The following ADGRL2 variants were observed in gnomAD, a reference collection of about 807,000 sequenced individuals.
ADGRL2 encodes the protein adhesion G protein-coupled receptor L2.
ADGRL2 carries 44 observed loss-of-function variants against 157.4 expected under a neutral mutation model. The observed-to-expected ratio is 0.28, with a 90% CI of 0.22 to 0.36. ADGRL2 has a LOEUF of 0.36. ADGRL2 is among the 10% of genes least tolerant of loss of function. The pLI is 1.00. For missense variants in ADGRL2, 1,510 were observed against 1,768.9 expected, an observed-to-expected ratio of 0.85 and a Z score of 2.63; for synonymous variants, 585 against 624.7, an observed-to-expected ratio of 0.94 and a Z score of 0.95.
intron 4 of ADGRL2, among the ~76,000 whole-genome samples, chr1:81,939,537 A>G (rs1245268481): frequency 6.6e-6 from 1 of 151,586 alleles, no homozygotes; most frequent in Non-Finnish European, 1.5e-5. Flanking sequence ...AAACATGTTT[A>G]TTCAATGAAA....
At chr1:81,702,835 A>C (rs1000022461) in intron 1 of ADGRL2, among the ~76,000 whole-genome samples, 3 of 152,234 alleles carry the variant, frequency 2.0e-5, no homozygotes, top group Non-Finnish European at 4.4e-5. Context: ...ATATGAAAGG[A>C]ACCATATTCA....
intron 2 of ADGRL2, among the ~76,000 whole-genome samples, chr1:81,878,291 T>C (rs905534332): frequency 6.6e-6 from 1 of 152,164 alleles, no homozygotes; most frequent in African/African-American, 2.4e-5. Context: ...TTTGAATAGA[T>C]GTTGAAGAAA....
chr1:81,760,886 A>G, intron 1 of ADGRL2, among the ~76,000 whole-genome samples: 1 of 151,906 alleles, frequency 6.6e-6, no homozygotes, highest in East Asian at 1.9e-4. Flanking sequence ...AGGAATTATT[A>G]TTATTTACAA....
intron 10 of ADGRL2, among the ~76,000 whole-genome samples, chr1:81,953,642 G>C (rs533821293): frequency 6.6e-6 from 1 of 152,048 alleles, no homozygotes; most frequent in Non-Finnish European, 1.5e-5. Context: ...CACTCCAGCC[G>C]GGTTTTCTCC....
At chr1:81,908,861 A>G (rs1404788391) in intron 3 of ADGRL2, among the ~76,000 whole-genome samples, 1 of 139,794 alleles carries the variant, frequency 7.2e-6, no homozygotes, top group Non-Finnish European at 1.5e-5. Flanking sequence ...TGTCATCTGT[A>G]CATCTTTTTT....
intron 7 of ADGRL2, 139 bp from the exon 8 acceptor site, chr1:81,950,879 T>A (rs1651557784): frequency 3.2e-6 from 2 of 628,096 alleles, no homozygotes; most frequent in Admixed American, 5.3e-5. Context: ...TATACCCTAC[T>A]TTTTGTCACT....
intron 3 of ADGRL2, among the ~76,000 whole-genome samples, chr1:81,642,248 C>CAA (rs35830955): frequency 2.2e-3 from 136 of 61,478 alleles, no homozygotes; most frequent in Non-Finnish European, 3.4e-3. Flanking sequence ...ACTCTGTCTC[C>CAA]AAAAAAAAAA....
chr1:81,908,054 A>G (rs1298219035), intron 3 of ADGRL2, among the ~76,000 whole-genome samples: 2 of 152,172 alleles, frequency 1.3e-5, no homozygotes, highest in Non-Finnish European at 2.9e-5. Flanking sequence ...ATGTGTTTAG[A>G]TGTACAGACA....
intron 1 of ADGRL2, among the ~76,000 whole-genome samples, chr1:81,317,912 G>C (rs937059210): frequency 6.6e-6 from 1 of 152,074 alleles, no homozygotes; most frequent in Non-Finnish European, 1.5e-5. Context: ...GTGTACATAT[G>C]CACATAGTTT....
At chr1:81,817,723 C>T (rs936544694) in intron 1 of ADGRL2, among the ~76,000 whole-genome samples, 2 of 151,876 alleles carry the variant, frequency 1.3e-5, no homozygotes, top group African/African-American at 4.8e-5. Flanking sequence ...GATTTTTTGG[C>T]GGCCTTGTCC....
intron 2 of ADGRL2, among the ~76,000 whole-genome samples, chr1:81,554,268 A>G (rs1419815703): frequency 6.6e-6 from 1 of 152,232 alleles, no homozygotes; most frequent in African/African-American, 2.4e-5. Flanking sequence ...TGGCCTCGTC[A>G]GCATCAAAAC....
chr1:81,354,179 T>C (rs1052888064), intron 1 of ADGRL2, among the ~76,000 whole-genome samples: 1 of 152,186 alleles, frequency 6.6e-6, no homozygotes, highest in Admixed American at 6.5e-5. Flanking sequence ...ATATGCATCA[T>C]TTTATTTAAT....
chr1:81,478,080 T>A (rs1025229057), intron 2 of ADGRL2, among the ~76,000 whole-genome samples: 1 of 152,160 alleles, frequency 6.6e-6, no homozygotes, highest in Non-Finnish European at 1.5e-5. Flanking sequence ...TTTAATGTAT[T>A]GTCTTTAAAA....
intron 2 of ADGRL2, among the ~76,000 whole-genome samples, chr1:81,880,228 A>T (rs978956682): frequency 3.9e-5 from 6 of 152,114 alleles, no homozygotes; most frequent in Non-Finnish European, 8.8e-5. Flanking sequence ...CTAGCATATT[A>T]TTTGCCTCAG....
At chr1:81,982,119 T>G in intron 19 of ADGRL2, 143 bp downstream of exon 19, 1 of 694,512 alleles carries the variant, frequency 1.4e-6, no homozygotes, top group Non-Finnish European at 2.2e-6. Context: ...TTTTCATACC[T>G]GTCTGAAAAT....
chr1:81,767,214 G>A (rs967194696), intron 2 of ADGRL2, among the ~76,000 whole-genome samples: 1 of 152,114 alleles, frequency 6.6e-6, no homozygotes, highest in African/African-American at 2.4e-5. Flanking sequence ...TCTATTGTAA[G>A]ATTTATTAGT....
chr1:81,917,421 G>A (rs750784052), intron 3 of ADGRL2, among the ~76,000 whole-genome samples: 2 of 151,910 alleles, frequency 1.3e-5, no homozygotes, highest in African/African-American at 2.4e-5. Flanking sequence ...TTATAGCAAT[G>A]TAGTTAGATT....
At chr1:81,311,595 A>C (rs140572863) in intron 1 of ADGRL2, among the ~76,000 whole-genome samples, 2 of 152,176 alleles carry the variant, frequency 1.3e-5, no homozygotes, top group Admixed American at 1.3e-4. Flanking sequence ...AGCTTATGTT[A>C]TATATTTTTT....
intron 19 of ADGRL2, 34 bp from the exon 20 acceptor site, chr1:81,984,549 A>G (rs745501056): frequency 5.8e-6 from 9 of 1,544,166 alleles, no homozygotes. Flanking sequence ...AGTGTGTTAT[A>G]TTAATCCCTT....
Sources: gnomAD v4.1 joint callset for allele counts (sites outside exome capture counted in the v4.1 genomes callset) on GRCh38, gnomAD v4.1.1 for gene constraint, MANE v1.5 for transcripts, NCBI Gene and HGNC (gene_info 2026-07-23, HGNC 2026-07-21) for gene names.